PRKG1: variants seen among roughly 807,000 people sequenced by gnomAD.
PRKG1 encodes the protein cGMP-dependent protein kinase 1.
Under a neutral mutation model 88.1 loss-of-function variants are expected in PRKG1, and 35 were observed. The observed-to-expected ratio is 0.40, with a 90% CI of 0.30 to 0.53. PRKG1 has a LOEUF of 0.53. PRKG1 is among the 20% of genes least tolerant of loss of function. The pLI, the probability that PRKG1 is intolerant of heterozygous loss-of-function variation, is 0.59. For synonymous variants in PRKG1, 303 were observed against 292.5 expected, an observed-to-expected ratio of 1.04 and a Z score of -0.37; for missense variants, 540 against 839.8, an observed-to-expected ratio of 0.64 and a Z score of 4.41.
At chr10:51,022,404 T>C (rs921965133) in intron 1 of PRKG1, among the ~76,000 whole-genome samples, 1 of 152,206 alleles carries the variant, frequency 6.6e-6, no homozygotes, top group Non-Finnish European at 1.5e-5. Context: ...CTTGTTCAGA[T>C]CCATTTCACC....
intron 7 of PRKG1, among the ~76,000 whole-genome samples, chr10:52,120,480 G>A (rs1394979828): frequency 1.3e-5 from 2 of 152,190 alleles, no homozygotes; most frequent in East Asian, 3.8e-4. Context: ...CTCTCCAGCT[G>A]TGAGCCTATG....
At chr10:51,498,312 A>G (rs964336992) in intron 3 of PRKG1, among the ~76,000 whole-genome samples, 8 of 152,232 alleles carry the variant, frequency 5.3e-5, no homozygotes, top group African/African-American at 1.9e-4. Context: ...AAATAATCAC[A>G]GAAAAACAAC....
At chr10:51,002,365 T>C (rs1233643123) in intron 1 of PRKG1, among the ~76,000 whole-genome samples, 1 of 152,180 alleles carries the variant, frequency 6.6e-6, no homozygotes, top group Non-Finnish European at 1.5e-5. Context: ...TAATTAAATC[T>C]TAATGTGGCC....
chr10:51,415,882 G>C (rs1838222262), intron 2 of PRKG1, among the ~76,000 whole-genome samples: 1 of 151,696 alleles, frequency 6.6e-6, no homozygotes, highest in Non-Finnish European at 1.5e-5. Flanking sequence ...ATTATCCATG[G>C]GGCCTAAACT....
chr10:51,138,684 T>C (rs1190400373), intron 1 of PRKG1, among the ~76,000 whole-genome samples: 1 of 128,072 alleles, frequency 7.8e-6, no homozygotes. Context: ...TGTTTTTTTT[T>C]TTTTTTTTTT....
intron 3 of PRKG1, among the ~76,000 whole-genome samples, chr10:51,517,193 G>A (rs1249071157): frequency 6.6e-6 from 1 of 152,194 alleles, no homozygotes; most frequent in Non-Finnish European, 1.5e-5. Flanking sequence ...ACAACTGAAT[G>A]TTTTTACACA....
intron 5 of PRKG1, among the ~76,000 whole-genome samples, chr10:51,920,783 T>C (rs1333106160): frequency 1.3e-5 from 2 of 152,102 alleles, no homozygotes; most frequent in East Asian, 1.9e-4. Flanking sequence ...ATTTTACTTT[T>C]AAACATAACT....
chr10:51,436,351 C>T (rs1838930613), intron 2 of PRKG1, among the ~76,000 whole-genome samples: 1 of 151,832 alleles, frequency 6.6e-6, no homozygotes, highest in South Asian at 2.1e-4. Context: ...TAGACGTCTC[C>T]CAATTACACT....
At chr10:51,677,038 A>G (rs1840728196) in intron 3 of PRKG1, among the ~76,000 whole-genome samples, 1 of 152,078 alleles carries the variant, frequency 6.6e-6, no homozygotes. Context: ...TGCCCTCCCA[A>G]TAATTACCCC....
chr10:51,688,369 G>A (rs1841047065), intron 3 of PRKG1, among the ~76,000 whole-genome samples: 1 of 152,056 alleles, frequency 6.6e-6, no homozygotes, highest in Non-Finnish European at 1.5e-5. Flanking sequence ...TCACAAGGAA[G>A]GGGAAGGAGG....
chr10:51,358,184 A>C (rs1247485508), intron 2 of PRKG1, among the ~76,000 whole-genome samples: 2 of 151,840 alleles, frequency 1.3e-5, no homozygotes, highest in African/African-American at 4.8e-5. Flanking sequence ...TGGAGGATCT[A>C]TTTCCAAGGT....
At chr10:51,504,498 T>C (rs1841135065) in intron 3 of PRKG1, among the ~76,000 whole-genome samples, 1 of 152,212 alleles carries the variant, frequency 6.6e-6, no homozygotes, top group African/African-American at 2.4e-5. Context: ...TTTTTTCCAA[T>C]TCTGTGAAGA....
intron 4 of PRKG1, among the ~76,000 whole-genome samples, chr10:51,889,285 C>T (rs1475913235): frequency 6.7e-6 from 1 of 148,152 alleles, no homozygotes; most frequent in Non-Finnish European, 1.5e-5. Flanking sequence ...GTTCAATTCC[C>T]ACCTATGAGT....
chr10:52,023,155 G>T (rs1397870876), intron 5 of PRKG1, among the ~76,000 whole-genome samples: 1 of 152,186 alleles, frequency 6.6e-6, no homozygotes, highest in African/African-American at 2.4e-5. Flanking sequence ...TTATGAGTGA[G>T]AACATGTGGT....
chr10:52,075,175 A>G (rs1846597980), intron 7 of PRKG1, among the ~76,000 whole-genome samples: 1 of 152,158 alleles, frequency 6.6e-6, no homozygotes. Context: ...AATACCACTT[A>G]TGATAGCATC....
At chr10:51,098,411 G>A (rs988889977) in intron 1 of PRKG1, among the ~76,000 whole-genome samples, 15 of 152,104 alleles carry the variant, frequency 9.9e-5, no homozygotes, top group Admixed American at 9.8e-4. Flanking sequence ...AGAGAGTGTG[G>A]ATTGGGTTGT....
At chr10:51,371,873 GC>G in intron 2 of PRKG1, among the ~76,000 whole-genome samples, 1 of 152,252 alleles carries the variant, frequency 6.6e-6, no homozygotes, top group African/African-American at 2.4e-5. Context: ...CTGCACAGGT[GC>G]CCTTCCGTGG....
At chr10:51,011,223 C>T (rs997889297) in intron 1 of PRKG1, among the ~76,000 whole-genome samples, 8 of 151,762 alleles carry the variant, frequency 5.3e-5, no homozygotes, top group South Asian at 2.1e-4. Flanking sequence ...GGGGAGGGGG[C>T]GGTGTTGAGG....
At chr10:51,208,675 A>G (rs1838130582) in intron 2 of PRKG1, among the ~76,000 whole-genome samples, 1 of 152,222 alleles carries the variant, frequency 6.6e-6, no homozygotes, top group African/African-American at 2.4e-5. Flanking sequence ...TTCAGAGTAC[A>G]GAGGATGAAA....
Sources: allele counts gnomAD v4.1 joint callset (sites outside exome capture counted in the v4.1 genomes callset), GRCh38; gene constraint gnomAD v4.1.1; transcripts MANE v1.5; gene names NCBI Gene and HGNC (gene_info 2026-07-23, HGNC 2026-07-21).